The following SLCO1B1 variants were observed in gnomAD, a reference collection of about 807,000 sequenced individuals.
SLCO1B1 encodes OATP-2.
A neutral mutation model predicts 70.1 loss-of-function variants in SLCO1B1; 81 were observed. The ratio of observed to expected loss-of-function variants is 1.16; its 90% CI spans 0.97 to 1.39. The LOEUF is 1.39. Among genes scored for constraint, SLCO1B1 ranks in the 40% most tolerant of loss-of-function variants. The probability of loss-of-function intolerance (pLI) is 0.00; values close to 1 mark genes in which losing one functional copy is unlikely to be tolerated. For missense variants in SLCO1B1, 895 were observed against 799.6 expected, an observed-to-expected ratio of 1.12 and a Z score of -1.44; for synonymous variants, 283 against 271.5, an observed-to-expected ratio of 1.04 and a Z score of -0.42.
At chr12:21,206,112 T>A in intron 11 of SLCO1B1, 79 bp downstream of exon 11, 1 of 1,168,208 alleles carries the variant, frequency 8.6e-7, no homozygotes, top group Non-Finnish European at 1.3e-6. Context: ...AATATTTCTG[T>A]AACTAAGGAC....
At chr12:21,135,733 C>A (rs1320251471) in intron 1 of SLCO1B1, among the ~76,000 whole-genome samples, 7 of 152,130 alleles carry the variant, frequency 4.6e-5, no homozygotes, top group Non-Finnish European at 8.8e-5. Context: ...TGTGTCTCTG[C>A]ATGTGAGATG....
intron 12 of SLCO1B1, among the ~76,000 whole-genome samples, chr12:21,218,312 A>G (rs933368020): frequency 6.6e-6 from 1 of 152,216 alleles, no homozygotes; most frequent in African/African-American, 2.4e-5. Context: ...TCAATCACCT[A>G]AAACTTGTAA....
intron 2 of SLCO1B1, among the ~76,000 whole-genome samples, chr12:21,155,360 A>T (rs1294079330): frequency 6.6e-6 from 1 of 151,126 alleles, no homozygotes; most frequent in Non-Finnish European, 1.5e-5. Flanking sequence ...TACATCTTGT[A>T]CTCCATATTT....
At chr12:21,200,914 C>A (rs546370178) in intron 9 of SLCO1B1, among the ~76,000 whole-genome samples, 4 of 152,050 alleles carry the variant, frequency 2.6e-5, no homozygotes, top group African/African-American at 4.8e-5. Context: ...AATAAATGGA[C>A]AATTTAGAGG....
Position 21,239,154 on chromosome 12 carries a change from C to A in SLCO1B1, c.2041C>A (p.Pro681Thr), listed in dbSNP as rs763767404. 6.2e-7 allele frequency: 1 copy of A among 1,613,048 alleles called. No homozygotes were observed. The highest frequency in any genetic ancestry group is 1.1e-5 in the South Asian group (1 of 90,988). ...CTTAAATAAAAATAAACATTTTGTC[C>A]CTTCTGCTGGGGCAGATAGTGAAAC... ...ESLNKNKHFV[P>T]SAGADSETHC The change falls in exon 15 of 15, where the codon CCT (proline) becomes ACT (threonine). Residue 681 changes from proline (P) to threonine (T), a missense_variant. Coordinates refer to ENST00000256958, the MANE Select transcript of SLCO1B1 (RefSeq NM_006446.5).
At chr12:21,218,283 C>T (rs980762683) in intron 12 of SLCO1B1, among the ~76,000 whole-genome samples, 1 of 151,932 alleles carries the variant, frequency 6.6e-6, no homozygotes, top group Non-Finnish European at 1.5e-5. Flanking sequence ...GTAATGCATG[C>T]CCTACTGGCC....
intron 2 of SLCO1B1, among the ~76,000 whole-genome samples, chr12:21,158,809 G>T (rs896436916): frequency 6.6e-6 from 1 of 151,838 alleles, no homozygotes; most frequent in African/African-American, 2.4e-5. Flanking sequence ...ACTGGATCTT[G>T]GGTGTTGTAG....
rs767184753 is a variant in SLCO1B1, at chr12:21,217,214, A to G, written c.1593A>G (p.Thr531=). ...AATGCCCAAGAGATGATGCTTGTAC[A>G]AGGAAATTTTACTTTTTTGTTGCAA... ...LGECPRDDAC[T]RKFYFFVAIQ... is the part of the protein sequence containing the mutation. The change falls in exon 12 of 15, where the codon ACA becomes ACG. Residue 531 remains threonine, a synonymous_variant. Transcript: ENST00000256958. 1 of 1,613,790 alleles carries G rather than the reference A, an allele frequency of 6.2e-7. No individual in the cohort carries two copies. Among genetic ancestry groups the G allele is most frequent in the Non-Finnish European group, 8.5e-7 (1 of 1,179,760 alleles).
intron 7 of SLCO1B1, among the ~76,000 whole-genome samples, chr12:21,184,048 A>G (rs897291333): frequency 6.7e-6 from 1 of 148,440 alleles, no homozygotes; most frequent in Non-Finnish European, 1.5e-5. Flanking sequence ...AAAAGAAAGA[A>G]AGAAAAAAAA....
intron 7 of SLCO1B1, among the ~76,000 whole-genome samples, chr12:21,180,997 G>T (rs563615013): frequency 6.6e-6 from 1 of 152,252 alleles, no homozygotes; most frequent in South Asian, 2.1e-4. Flanking sequence ...AATGCCTAAA[G>T]GAGCTGAAGA....
chr12:21,149,725 G>A (rs1940440699), intron 2 of SLCO1B1, among the ~76,000 whole-genome samples: 3 of 152,208 alleles, frequency 2.0e-5, no homozygotes, highest in African/African-American at 4.8e-5. Flanking sequence ...AGATTCCCTC[G>A]GGTGCCTACA....
At chr12:21,131,679 G>A (rs1360798454) in intron 1 of SLCO1B1, among the ~76,000 whole-genome samples, 1 of 142,006 alleles carries the variant, frequency 7.0e-6, no homozygotes, top group Admixed American at 7.0e-5. Context: ...AGAGTTAATT[G>A]GCAAACATAA....
At chr12:21,183,646 A>G (rs1444284295) in intron 7 of SLCO1B1, among the ~76,000 whole-genome samples, 3 of 152,198 alleles carry the variant, frequency 2.0e-5, no homozygotes, top group African/African-American at 7.2e-5. Context: ...CATTCCTTCA[A>G]GATGAAAAAG....
At chr12:21,138,402 T>C (rs1940258230) in intron 1 of SLCO1B1, among the ~76,000 whole-genome samples, 1 of 152,226 alleles carries the variant, frequency 6.6e-6, no homozygotes, top group South Asian at 2.1e-4. Flanking sequence ...TTCATTTATG[T>C]AAATCATTTG....
intron 13 of SLCO1B1, 32 bp downstream of exon 13, chr12:21,222,396 A>ATATAT (rs1941435740): frequency 5.1e-6 from 1 of 196,152 alleles, no homozygotes; most frequent in African/African-American, 4.4e-5. Flanking sequence ...AAAAAAAAAA[A>ATATAT]AATATATATA....
intron 14 of SLCO1B1, among the ~76,000 whole-genome samples, chr12:21,226,769 C>T (rs1319977652): frequency 2.7e-5 from 4 of 150,474 alleles, no homozygotes; most frequent in Admixed American, 6.7e-5. Flanking sequence ...CAAAGTTACA[C>T]ACTAATACAA....
intron 7 of SLCO1B1, among the ~76,000 whole-genome samples, chr12:21,194,558 A>G (rs1941070314): frequency 6.6e-6 from 1 of 152,060 alleles, no homozygotes; most frequent in African/African-American, 2.4e-5. Context: ...CACGATCTGC[A>G]TTTTGGTCAT....
intron 11 of SLCO1B1, among the ~76,000 whole-genome samples, chr12:21,211,207 T>C (rs986322609): frequency 1.3e-5 from 2 of 152,168 alleles, no homozygotes; most frequent in South Asian, 2.1e-4. Context: ...TTGTCATAGA[T>C]AGCTCTTATT....
intron 1 of SLCO1B1, among the ~76,000 whole-genome samples, chr12:21,138,265 C>T (rs1174659725): frequency 1.3e-5 from 2 of 152,106 alleles, no homozygotes; most frequent in African/African-American, 4.8e-5. Context: ...TAAGTAGAGG[C>T]TGATAAGATT....
Sources: allele counts gnomAD v4.1 joint callset (sites outside exome capture counted in the v4.1 genomes callset), GRCh38; gene constraint gnomAD v4.1.1; transcripts MANE v1.5; gene names NCBI Gene and HGNC (gene_info 2026-07-23, HGNC 2026-07-21).